IQCM: variants seen among roughly 807,000 people sequenced by gnomAD.
IQCM encodes IQ motif containing M, also known as IQ domain-containing protein M.
Under a neutral mutation model 57.6 loss-of-function variants are expected in IQCM, and 45 were observed. That is an observed-to-expected ratio of 0.78 (90% confidence interval 0.62 to 1.00). The LOEUF (loss-of-function observed/expected upper bound fraction) is 1.00, where lower values mean the gene tolerates loss of function less well. IQCM is among the 50% of genes least tolerant of loss of function. IQCM has a pLI of 0.00. For synonymous variants in IQCM, 148 were observed against 158.9 expected (o/e 0.93, Z 0.51); for missense variants, 468 against 511.6 (o/e 0.91, Z 0.82).
At chr4:149,669,548 G>A (rs1412447800) in intron 7 of IQCM, among the ~76,000 whole-genome samples, 1 of 152,114 alleles carries the variant, frequency 6.6e-6, no homozygotes, top group Non-Finnish European at 1.5e-5. Flanking sequence ...TGAAGTCCTT[G>A]CCCATGCCTA....
chr4:149,464,727 T>C (rs1738664543), intron 12 of IQCM, among the ~76,000 whole-genome samples: 1 of 152,194 alleles, frequency 6.6e-6, no homozygotes, highest in Non-Finnish European at 1.5e-5. Flanking sequence ...CAGAACTTTG[T>C]GGAATGATGG....
chr4:149,622,868 A>G (rs965716640), intron 7 of IQCM, among the ~76,000 whole-genome samples: 1 of 152,152 alleles, frequency 6.6e-6, no homozygotes, highest in African/African-American at 2.4e-5. Context: ...AATATCTCAT[A>G]TTTTAGATAA....
chr4:149,518,334 T>C (rs910626688), intron 12 of IQCM, among the ~76,000 whole-genome samples: 2 of 152,222 alleles, frequency 1.3e-5, no homozygotes, highest in Non-Finnish European at 2.9e-5. Context: ...ACTGGGTAGA[T>C]GAGAGACCTG....
chr4:149,376,264 C>T lies in IQCM; in HGVS notation c.1391-24198G>A, dbSNP rs1730695297. Among the ~76,000 whole-genome samples, 3 of 151,986 alleles carry T rather than the reference C, an allele frequency of 2.0e-5. 1 individual carries two copies. The South Asian group carries it at 6.2e-4, about 32-fold the overall frequency. On this transcript the variant is annotated intron_variant, in intron 13 of 13. Transcript: ENST00000636793. Reference sequence around the variant, plus strand: ...TTTCTGCAGGTTTTCCCATGTTTTTCAATAAAGTAGGGTTTGTTGAGAAGT... The same window carrying T: ...TTTCTGCAGGTTTTCCCATGTTTTTTAATAAAGTAGGGTTTGTTGAGAAGT...
At chr4:149,406,751 C>T (rs117815596) in intron 13 of IQCM, among the ~76,000 whole-genome samples, 2 of 152,264 alleles carry the variant, frequency 1.3e-5, no homozygotes, top group East Asian at 3.9e-4. Context: ...AAGATGCCTA[C>T]TTTTCAAAAA....
chr4:149,590,833 T>C (rs1753089582), intron 8 of IQCM, among the ~76,000 whole-genome samples: 2 of 152,104 alleles, frequency 1.3e-5, no homozygotes, highest in Admixed American at 1.3e-4. Flanking sequence ...TGCCACATTT[T>C]CTTTATCCAG....
At chr4:149,444,083 G>A (rs568003820) in intron 12 of IQCM, among the ~76,000 whole-genome samples, 1 of 151,666 alleles carries the variant, frequency 6.6e-6, no homozygotes, top group South Asian at 2.1e-4. Context: ...TAGTATTTTA[G>A]CCAGACATAT....
intron 13 of IQCM, among the ~76,000 whole-genome samples, chr4:149,400,649 T>C (rs1193953864): frequency 6.6e-6 from 1 of 152,000 alleles, no homozygotes; most frequent in Non-Finnish European, 1.5e-5. Flanking sequence ...AGCCCTTCTG[T>C]ATATTAAAAT....
At chr4:149,640,274 T>C (rs2150113206) in intron 7 of IQCM, among the ~76,000 whole-genome samples, 1 of 152,358 alleles carries the variant, frequency 6.6e-6, no homozygotes, top group Admixed American at 6.5e-5. Flanking sequence ...CTCAAGCATG[T>C]ATCCTTTGTG....
chr4:149,608,782 C>A (rs1755018185), intron 8 of IQCM, among the ~76,000 whole-genome samples: 2 of 151,540 alleles, frequency 1.3e-5, no homozygotes, highest in South Asian at 4.1e-4. Context: ...AAATTTATAG[C>A]AATAAATGCC....
At chr4:149,764,314 G>A (rs892225788) in intron 2 of IQCM, among the ~76,000 whole-genome samples, 7 of 152,116 alleles carry the variant, frequency 4.6e-5, no homozygotes, top group Non-Finnish European at 7.4e-5. Context: ...CAAATAACCA[G>A]GAAAGACCAA....
chr4:149,364,834 T>C (rs752693640), intron 13 of IQCM, among the ~76,000 whole-genome samples: 5 of 151,996 alleles, frequency 3.3e-5, no homozygotes, highest in Non-Finnish European at 5.9e-5. Flanking sequence ...AACCTGGAAA[T>C]ATAAGGTTCA....
At chr4:149,540,095 A>G (rs1747699411) in intron 12 of IQCM, among the ~76,000 whole-genome samples, 1 of 151,810 alleles carries the variant, frequency 6.6e-6, no homozygotes, top group South Asian at 2.1e-4. Context: ...CTACTTCAAC[A>G]CGACAGGAGT....
chr4:149,713,855 G>A (rs1415483592), intron 5 of IQCM, among the ~76,000 whole-genome samples: 1 of 151,822 alleles, frequency 6.6e-6, no homozygotes, highest in African/African-American at 2.4e-5. Context: ...TCCTTCACTT[G>A]TGATTTTCCC....
chr4:149,804,953 C>G (rs1219616242), intron 2 of IQCM, among the ~76,000 whole-genome samples: 2 of 152,030 alleles, frequency 1.3e-5, no homozygotes, highest in African/African-American at 4.8e-5. Flanking sequence ...ATGCAACCTG[C>G]TGGGAACATA....
intron 8 of IQCM, among the ~76,000 whole-genome samples, chr4:149,614,819 G>T (rs1316351571): frequency 1.3e-5 from 2 of 152,146 alleles, no homozygotes; most frequent in African/African-American, 4.8e-5. Context: ...GCCACATGTG[G>T]CCCACAGGCT....
chr4:149,588,106 A>G (rs1310300373), intron 8 of IQCM, 109 bp from the exon 9 acceptor site: 14 of 425,324 alleles, frequency 3.3e-5, no homozygotes, highest in African/African-American at 4.1e-5. Flanking sequence ...GAATCATTAT[A>G]ATATATATTA....
chr4:149,752,805 C>T (rs1219402099), intron 2 of IQCM, among the ~76,000 whole-genome samples: 2 of 152,102 alleles, frequency 1.3e-5, no homozygotes, highest in Non-Finnish European at 2.9e-5. Flanking sequence ...CGAGGCTCTG[C>T]TAAAAATGAC....
intron 2 of IQCM, among the ~76,000 whole-genome samples, chr4:149,758,369 T>C (rs193125895): frequency 1.3e-5 from 2 of 152,138 alleles, no homozygotes; most frequent in Admixed American, 1.3e-4. Flanking sequence ...TGCAAAACCA[T>C]AAAACTCCTA....
Sources: gnomAD v4.1 joint callset for allele counts (sites outside exome capture counted in the v4.1 genomes callset) on GRCh38, gnomAD v4.1.1 for gene constraint, MANE v1.5 for transcripts, NCBI Gene and HGNC (gene_info 2026-07-23, HGNC 2026-07-21) for gene names.